Variants in PRKCZ observed in about 807,000 individuals in gnomAD.
PRKCZ encodes protein kinase C zeta.
A neutral mutation model predicts 79.5 loss-of-function variants in PRKCZ; 33 were observed. That is an observed-to-expected ratio of 0.41 (90% CI 0.31 to 0.55). PRKCZ has a LOEUF of 0.55. Ranked by LOEUF, PRKCZ falls within the 20% of genes least tolerant of loss-of-function variation. The pLI is 0.19. For synonymous variants in PRKCZ, 342 were observed against 320.9 expected, an observed-to-expected ratio of 1.07 and a Z score of -0.70; for missense variants, 578 against 813.5, an observed-to-expected ratio of 0.71 and a Z score of 3.52.
At chr1:2,051,645 G>A (rs1302896277) in intron 1 of PRKCZ, among the ~76,000 whole-genome samples, 2 of 152,214 alleles carry the variant, frequency 1.3e-5, no homozygotes, top group African/African-American at 4.8e-5. Flanking sequence ...TGGGCAACCT[G>A]AGCCCCAGAG....
intron 4 of PRKCZ, among the ~76,000 whole-genome samples, chr1:2,085,443 C>T (rs879361861): frequency 5.3e-5 from 8 of 152,256 alleles, no homozygotes; most frequent in Non-Finnish European, 7.3e-5. Context: ...TTACTCCTGG[C>T]GGGGCTAGGG....
chr1:2,081,783 A>G (rs1340330065), intron 4 of PRKCZ, among the ~76,000 whole-genome samples: 3 of 151,962 alleles, frequency 2.0e-5, no homozygotes, highest in Non-Finnish European at 4.4e-5. Context: ...ATCACCTGGC[A>G]CCAAGCTCAG....
At chr1:2,138,977 G>A (rs1001030269) in intron 5 of PRKCZ, among the ~76,000 whole-genome samples, 7 of 151,018 alleles carry the variant, frequency 4.6e-5, no homozygotes, top group Non-Finnish European at 1.0e-4. Context: ...GAAAAACCGG[G>A]CAGTGAGGAC....
chr1:2,181,616 G>A lies in PRKCZ; in HGVS notation c.1576-2967G>A, dbSNP rs371790907. Among the ~76,000 whole-genome samples, 16 of 152,282 alleles carry A rather than the reference G, an allele frequency of 1.1e-4. No homozygotes were observed. The East Asian group carries it at 2.1e-3, about 20-fold the overall frequency. On this transcript the variant is annotated intron_variant, in intron 16 of 17. Coordinates refer to ENST00000378567, the MANE Select transcript of PRKCZ (RefSeq NM_002744.6). ...CTTTTGAGCAAGAGGAGGAGGTAAC[G>A]CTGGCCCCTGGGGATGCTGTCAGGG...
At chr1:2,062,256 C>T (rs1660744800) in intron 4 of PRKCZ, among the ~76,000 whole-genome samples, 1 of 152,146 alleles carries the variant, frequency 6.6e-6, no homozygotes, top group South Asian at 2.1e-4. Flanking sequence ...TCATCGGTCA[C>T]TCCCTGTTCT....
intron 4 of PRKCZ, among the ~76,000 whole-genome samples, chr1:2,129,983 G>GCCT (rs1674639424): frequency 6.6e-6 from 1 of 152,194 alleles, no homozygotes. Flanking sequence ...GCTCAGTGCA[G>GCCT]CCTCCACCTG....
At chr1:2,098,930 C>G (rs967750721) in intron 4 of PRKCZ, among the ~76,000 whole-genome samples, 1 of 152,208 alleles carries the variant, frequency 6.6e-6, no homozygotes, top group Non-Finnish European at 1.5e-5. Context: ...ATCCACCCAC[C>G]TCAGCCTCCC....
intron 4 of PRKCZ, chr1:2,073,635 C>T (rs947331618): frequency 1.4e-5 from 14 of 990,692 alleles, no homozygotes; most frequent in Middle Eastern, 5.1e-4. Flanking sequence ...AGCTCCTGCA[C>T]ATCCATGCCG....
chr1:2,166,457 G>A (rs1236569051), intron 10 of PRKCZ, among the ~76,000 whole-genome samples: 2 of 152,162 alleles, frequency 1.3e-5, no homozygotes, highest in Admixed American at 1.3e-4. Context: ...CATGACTCCC[G>A]CCTCCCGCCT....
intron 16 of PRKCZ, among the ~76,000 whole-genome samples, chr1:2,176,638 C>T (rs1685551601): frequency 6.6e-6 from 1 of 152,186 alleles, no homozygotes; most frequent in Non-Finnish European, 1.5e-5. Context: ...AGGAGAAAGC[C>T]CAGCTCTAGC....
chr1:2,091,034 CTT>C (rs1665407129), intron 4 of PRKCZ, among the ~76,000 whole-genome samples: 1 of 152,070 alleles, frequency 6.6e-6, no homozygotes, highest in Non-Finnish European at 1.5e-5. Flanking sequence ...CACTGTAGTT[CTT>C]GTTTGTTTTT....
intron 4 of PRKCZ, among the ~76,000 whole-genome samples, chr1:2,099,395 A>G (rs1272454007): frequency 6.6e-6 from 1 of 152,150 alleles, no homozygotes; most frequent in Non-Finnish European, 1.5e-5. Context: ...GCCCCTTGCT[A>G]ATGGGCGGAC....
chr1:2,152,880 C>T (rs1431675908), intron 9 of PRKCZ, among the ~76,000 whole-genome samples: 4 of 152,250 alleles, frequency 2.6e-5, no homozygotes, highest in African/African-American at 4.8e-5. Context: ...CACGTTTGTG[C>T]GTGCACCTGC....
chr1:2,153,674 C>T (rs943365814), intron 9 of PRKCZ, among the ~76,000 whole-genome samples: 2 of 152,216 alleles, frequency 1.3e-5, no homozygotes, highest in Non-Finnish European at 2.9e-5. Flanking sequence ...TGCAGCACGT[C>T]CCGGTCAGCT....
intron 4 of PRKCZ, among the ~76,000 whole-genome samples, chr1:2,110,634 G>T (rs1257267762): frequency 6.6e-6 from 1 of 152,080 alleles, no homozygotes; most frequent in African/African-American, 2.4e-5. Context: ...TGGGTCACTT[G>T]TCCACCCTCA....
intron 1 of PRKCZ, 98 bp downstream of exon 1, chr1:2,050,799 G>C: frequency 2.5e-6 from 2 of 810,022 alleles, no homozygotes; most frequent in Non-Finnish European, 3.3e-6. Context: ...GAGAGGGAAG[G>C]GGCGGCGAGG....
intron 5 of PRKCZ, 39 bp downstream of exon 5, chr1:2,135,386 T>C: frequency 6.6e-7 from 1 of 1,525,162 alleles, no homozygotes; most frequent in East Asian, 2.3e-5. Context: ...CAAGGGGCCT[T>C]TTGTTACTTT....
In PRKCZ at chr1:2,102,585, G is replaced by A. The variant is rs537363189; in HGVS notation, c.335-32677G>A. On this transcript the variant is annotated intron_variant, in intron 4 of 17. Transcript: ENST00000378567. ...CTGACCTCGTGATCCGCCCGCCTTGGCCTCCCAAAGTGCTAGGATTACAGG... is the reference window on the plus strand; with the variant it reads ...CTGACCTCGTGATCCGCCCGCCTTGACCTCCCAAAGTGCTAGGATTACAGG... Among the ~76,000 whole-genome samples the A allele has an allele frequency of 2.9e-3, 448 of 152,228 alleles. 2 individuals carry two copies. The highest frequency in any genetic ancestry group is 4.7e-3 in the Non-Finnish European group (317 of 68,022).
chr1:2,056,084 G>GC (rs1014590436), intron 2 of PRKCZ, among the ~76,000 whole-genome samples: 15 of 152,204 alleles, frequency 9.9e-5, no homozygotes, highest in Admixed American at 2.6e-4. Flanking sequence ...GAGCCTGATA[G>GC]CGCCCCCGTT....
Sources: gnomAD v4.1 joint callset for allele counts (sites outside exome capture counted in the v4.1 genomes callset) on GRCh38, gnomAD v4.1.1 for gene constraint, MANE v1.5 for transcripts, NCBI Gene and HGNC (gene_info 2026-07-23, HGNC 2026-07-21) for gene names.